Variants in PDLIM5 observed in about 807,000 individuals in gnomAD.
PDLIM5 encodes the protein PDZ and LIM domain 5, also known as PDZ and LIM domain protein 5.
A neutral mutation model predicts 64.2 loss-of-function variants in PDLIM5; 34 were observed. That is an observed-to-expected ratio of 0.53 (90% confidence interval 0.40 to 0.71). PDLIM5 has a LOEUF of 0.71. Among genes scored for constraint, PDLIM5 ranks in the 30% least tolerant of loss-of-function variants. The pLI, the probability that PDLIM5 is intolerant of heterozygous loss-of-function variation, is 0.00. For missense variants in PDLIM5, 683 were observed against 733.6 expected (o/e 0.93, Z 0.80); for synonymous variants, 253 against 269.1 (o/e 0.94, Z 0.59).
At chr4:94,581,509 G>A (rs10856910) in intron 5 of PDLIM5, among the ~76,000 whole-genome samples, 151,531 of 152,278 alleles carry the variant, frequency 1, 75,393 homozygotes, top group East Asian at 1. Context: ...ATTTGTGGCT[G>A]CAGAAGAGTA....
chr4:94,455,483 T>C (rs1723254141), intron 2 of PDLIM5, 99 bp downstream of exon 2: 1 of 805,270 alleles, frequency 1.2e-6, no homozygotes, highest in African/African-American at 1.7e-5. Context: ...CTACTTATTA[T>C]CATTGCTCCT....
intron 2 of PDLIM5, among the ~76,000 whole-genome samples, chr4:94,499,826 C>T (rs573132287): frequency 8.5e-5 from 13 of 152,148 alleles, no homozygotes; most frequent in Admixed American, 5.2e-4. Context: ...CAGAGGAGCA[C>T]GAACCCTATT....
At chr4:94,561,144 A>G (rs1228222885) in intron 3 of PDLIM5, among the ~76,000 whole-genome samples, 2 of 152,058 alleles carry the variant, frequency 1.3e-5, no homozygotes, top group East Asian at 3.9e-4. Context: ...CAAATAGTAT[A>G]CTCCTGAGAA....
At chr4:94,639,430 G>A (rs571217023) in intron 8 of PDLIM5, among the ~76,000 whole-genome samples, 7 of 152,290 alleles carry the variant, frequency 4.6e-5, no homozygotes, top group South Asian at 4.1e-4. Flanking sequence ...GGTTGGTGAC[G>A]TTGAGGATCT....
chr4:94,468,476 C>T (rs1228794407), intron 2 of PDLIM5, among the ~76,000 whole-genome samples: 1 of 152,052 alleles, frequency 6.6e-6, no homozygotes, highest in Non-Finnish European at 1.5e-5. Flanking sequence ...ATTTCTATGT[C>T]TTCTGTTTAA....
rs188392165 is a variant in PDLIM5 at position 94,492,014 on chromosome 4, C to G, written c.97-31710C>G. The stretch of plus-strand genomic sequence containing the variant: ...ACTTATTTCTCCTGTCTGTCTGAAA[C>G]TTTGTATCTTTTGACCAGTAACTCC... On this transcript the variant is annotated intron_variant, in intron 2 of 12. Transcript: ENST00000317968. Among the ~76,000 whole-genome samples, 38 of 151,944 alleles carry G rather than the reference C, an allele frequency of 2.5e-4. No homozygotes were observed. In the East Asian group the frequency reaches 6.7e-3, roughly 27 times the overall value.
chr4:94,620,897 G>A lies in PDLIM5; in HGVS notation c.1108+2706G>A, dbSNP rs182201334. On this transcript the variant is annotated intron_variant, in intron 8 of 12. Transcript: ENST00000317968. ...AAGATCACCTGATGGGTAAAACCCT[G>A]TCTCTACTAAAAATAAAAGAAAAGT... is the stretch of plus-strand genomic sequence containing the variant. 2.6e-3 allele frequency among the ~76,000 whole-genome samples: 396 copies of A among 151,604 alleles called. 3 individuals carry two copies. The highest frequency in any genetic ancestry group is 8.9e-3 in the African/African-American group (368 of 41,334).
intron 3 of PDLIM5, among the ~76,000 whole-genome samples, chr4:94,564,675 T>TTTTTTG (rs34752406): frequency 6.8e-6 from 1 of 146,396 alleles, no homozygotes; most frequent in African/African-American, 2.6e-5. Flanking sequence ...TTTTTTTTTT[T>TTTTTTG]GACAGAGTCT....
chr4:94,644,909 TC>T (rs760378226), intron 9 of PDLIM5, among the ~76,000 whole-genome samples: 2,843 of 125,712 alleles, frequency 0.023, 45 homozygotes, highest in Non-Finnish European at 0.035. Flanking sequence ...TTGATATTAT[TC>T]TTTTTTTTTT....
intron 8 of PDLIM5, among the ~76,000 whole-genome samples, chr4:94,638,549 C>G (rs1279489253): frequency 6.6e-6 from 1 of 152,184 alleles, no homozygotes; most frequent in Non-Finnish European, 1.5e-5. Context: ...ATCAATTATC[C>G]TAATTAATCT....
intron 3 of PDLIM5, among the ~76,000 whole-genome samples, chr4:94,525,810 T>G (rs948790650): frequency 2.0e-5 from 3 of 152,206 alleles, no homozygotes; most frequent in Admixed American, 6.5e-5. Flanking sequence ...TATTTTGAAT[T>G]TTGATAGGCT....
intron 7 of PDLIM5, chr4:94,611,002 T>C (rs760442318): frequency 7.7e-5 from 94 of 1,222,640 alleles, no homozygotes; most frequent in Non-Finnish European, 1.1e-4. Context: ...ATCACAGACC[T>C]TAAGAACTAC....
At position 94,515,652 on chromosome 4, in the gene PDLIM5, C is replaced by G. The variant is rs979643109; in HGVS notation, c.97-8072C>G. 3.9e-5 allele frequency among the ~76,000 whole-genome samples: 6 copies of G among 152,170 alleles called. No individual in the cohort carries two copies. In the South Asian group the frequency reaches 6.2e-4, roughly 16 times the overall value. On this transcript the variant is annotated intron_variant, in intron 2 of 12. Coordinates refer to ENST00000317968, the MANE Select transcript of PDLIM5 (RefSeq NM_006457.5). ...TGAGGATTTGTGAAAAGTCGTGGTC[C>G]CACTCAATGGAATATACATGCATGC...
At chr4:94,527,050 T>C (rs1314093642) in intron 3 of PDLIM5, among the ~76,000 whole-genome samples, 1 of 112,922 alleles carries the variant, frequency 8.9e-6, no homozygotes, top group Non-Finnish European at 1.8e-5. Context: ...AGCATTCTTT[T>C]TTTTTTTTTT....
At chr4:94,545,326 A>T (rs550926168) in intron 3 of PDLIM5, among the ~76,000 whole-genome samples, 1 of 152,314 alleles carries the variant, frequency 6.6e-6, no homozygotes, top group South Asian at 2.1e-4. Context: ...ATCTTTTGTT[A>T]ACCATGTACT....
chr4:94,579,957 T>C (rs1735602353), intron 5 of PDLIM5, among the ~76,000 whole-genome samples: 1 of 152,176 alleles, frequency 6.6e-6, no homozygotes, highest in Non-Finnish European at 1.5e-5. Context: ...TTTATGATTT[T>C]TCTAGAGTTT....
chr4:94,544,982 T>G (rs970133910), intron 3 of PDLIM5, among the ~76,000 whole-genome samples: 1 of 152,216 alleles, frequency 6.6e-6, no homozygotes, highest in Non-Finnish European at 1.5e-5. Flanking sequence ...AGGCTTGTTT[T>G]TCTGGTTAAT....
At chr4:94,636,829 C>T (rs1293683150) in intron 8 of PDLIM5, among the ~76,000 whole-genome samples, 3 of 152,216 alleles carry the variant, frequency 2.0e-5, no homozygotes, top group Non-Finnish European at 2.9e-5. Flanking sequence ...GCCACCGCGC[C>T]GGGCCACTCA....
At chr4:94,570,180 G>A (rs537363483) in intron 3 of PDLIM5, among the ~76,000 whole-genome samples, 2 of 152,154 alleles carry the variant, frequency 1.3e-5, no homozygotes, top group South Asian at 4.1e-4. Flanking sequence ...GCCTGTTCTG[G>A]ATATATATCA....
Sources: gnomAD v4.1 joint callset for allele counts (sites outside exome capture counted in the v4.1 genomes callset) on GRCh38, gnomAD v4.1.1 for gene constraint, MANE v1.5 for transcripts, NCBI Gene and HGNC (gene_info 2026-07-23, HGNC 2026-07-21) for gene names.